The following OLAH variants were observed in gnomAD, a reference collection of about 807,000 sequenced individuals.
The protein encoded by OLAH is S-acyl fatty acid synthase thioesterase, medium chain.
OLAH carries 33 observed loss-of-function variants against 27.8 expected under a neutral mutation model. That is an observed-to-expected ratio of 1.19 (90% confidence interval 0.90 to 1.59). OLAH has a LOEUF of 1.59. OLAH is among the 40% of genes most tolerant of loss of function. OLAH has a pLI of 0.00. For synonymous variants in OLAH, 120 were observed against 102.9 expected (o/e 1.17, Z -1.01); for missense variants, 359 against 310.8 (o/e 1.16, Z -1.17).
At chr10:15,056,537 G>A (rs1844248972) in intron 3 of OLAH, among the ~76,000 whole-genome samples, 1 of 152,096 alleles carries the variant, frequency 6.6e-6, no homozygotes, top group South Asian at 2.1e-4. Flanking sequence ...AGTAAGATTA[G>A]ACATTTTTTT....
At chr10:15,041,155 G>A (rs905319755), upstream of OLAH, among the ~76,000 whole-genome samples, 5 of 152,226 alleles carry the variant, frequency 3.3e-5, no homozygotes, top group Non-Finnish European at 7.3e-5. Context: ...GCAAAGAGAA[G>A]TACCCGAAGC....
At chr10:15,070,293 C>T (rs571172872) in intron 6 of OLAH, among the ~76,000 whole-genome samples, 1 of 152,044 alleles carries the variant, frequency 6.6e-6, no homozygotes, top group Non-Finnish European at 1.5e-5. Context: ...CCCTCCGATC[C>T]GTTATCCACA....
chr10:15,057,535 G>A (rs1844271039), intron 3 of OLAH, among the ~76,000 whole-genome samples: 1 of 151,902 alleles, frequency 6.6e-6, no homozygotes, highest in African/African-American at 2.4e-5. Flanking sequence ...ACAGGCATGA[G>A]CCACTATGCC....
intron 1 of OLAH, among the ~76,000 whole-genome samples, chr10:15,035,368 A>G (rs1843826075): frequency 6.6e-6 from 1 of 152,158 alleles, no homozygotes; most frequent in South Asian, 2.1e-4. Context: ...CTGGTTCTGC[A>G]GTCTATACAG....
upstream of OLAH, chr10:15,043,829 G>A (rs1236568297): frequency 6.6e-6 from 1 of 152,010 alleles, no homozygotes; most frequent in Non-Finnish European, 1.5e-5. Flanking sequence ...TGTCTCCTCT[G>A]GGCCACAGCC....
chr10:15,035,523 AGGACC>A (rs1295837203), intron 1 of OLAH, among the ~76,000 whole-genome samples: 4 of 152,096 alleles, frequency 2.6e-5, no homozygotes, highest in Non-Finnish European at 5.9e-5. Context: ...TAGCTTTCGA[AGGACC>A]GGATCTCATG....
intron 1 of OLAH, among the ~76,000 whole-genome samples, chr10:15,034,549 G>A (rs1393256867): frequency 6.6e-6 from 1 of 152,208 alleles, no homozygotes; most frequent in Non-Finnish European, 1.5e-5. Context: ...GGGATCTGAG[G>A]CCTTCACAGC....
In OLAH at chr10:15,064,513, T is replaced by C. The variant is rs745730051; in HGVS notation, c.402+11T>C. On this transcript the variant is annotated intron_variant, in intron 5 of 7. Transcript: ENST00000378228. Reference sequence around the variant, plus strand: ...GCAACTCCTGTACATGTAAGTAATTTAGCTTTTTCCTAGGAAGGGCAGTGG... The same window carrying C: ...GCAACTCCTGTACATGTAAGTAATTCAGCTTTTTCCTAGGAAGGGCAGTGG... 1.4e-5 allele frequency: 22 copies of C among 1,522,758 alleles called. No homozygotes were observed. The highest frequency in any genetic ancestry group is 1.7e-5 in the Non-Finnish European group (19 of 1,124,798). 94.3% of individuals were successfully genotyped at this position (1,522,758 alleles called of 1,614,324 possible). A position where few individuals can be genotyped will look rare whatever the true frequency, so the allele number is the denominator to read the frequency against.
upstream of OLAH, among the ~76,000 whole-genome samples, chr10:15,039,673 G>GTCC (rs1843892351): frequency 6.6e-6 from 1 of 152,120 alleles, no homozygotes; most frequent in African/African-American, 2.4e-5. Context: ...GTAAGCATAC[G>GTCC]GACAGCTGCT....
At chr10:15,062,890 G>A (rs1270941152) in intron 4 of OLAH, among the ~76,000 whole-genome samples, 2 of 151,676 alleles carry the variant, frequency 1.3e-5, no homozygotes, top group African/African-American at 4.8e-5. Flanking sequence ...AGGCACACAC[G>A]ACCATACCTG....
chr10:15,059,622 A>G (rs1844323269), intron 3 of OLAH, among the ~76,000 whole-genome samples: 2 of 152,154 alleles, frequency 1.3e-5, no homozygotes, highest in Admixed American at 6.5e-5. Flanking sequence ...CCTGGCCAAC[A>G]TGGTGAAACC....
chr10:15,064,693 T>A (rs1267472383), intron 5 of OLAH, among the ~76,000 whole-genome samples, 191 bp downstream of exon 5: 1 of 152,258 alleles, frequency 6.6e-6, no homozygotes, highest in Non-Finnish European at 1.5e-5. Flanking sequence ...AGTCTCATTC[T>A]GCTGCCCAGG....
Position 15,061,844 on chromosome 10 carries a change from T to G in OLAH, c.284T>G (p.Phe95Cys), listed in dbSNP as rs767675489. 3.1e-6 allele frequency: 5 copies of G among 1,613,098 alleles called. No individual in the cohort carries two copies. The highest frequency in any genetic ancestry group is 4.2e-6 in the Non-Finnish European group (5 of 1,179,674). Residue 95 changes from phenylalanine to cysteine, a missense_variant, in exon 4 of 8, where the codon TTT becomes TGT. Coordinates refer to ENST00000378228, the MANE Select transcript of OLAH (RefSeq NM_001039702.3). ...CAGCCAGTCATCCAGGATAAACCATTTGCATTTTTTGGCCACAGGTATTTG... is the reference window on the plus strand; with the variant it reads ...CAGCCAGTCATCCAGGATAAACCATGTGCATTTTTTGGCCACAGGTATTTG... Reference protein sequence around the residue: ...ALQPVIQDKPFAFFGHSMGSY... With the variant: ...ALQPVIQDKPCAFFGHSMGSY...
chr10:15,064,277 TCA>T, intron 4 of OLAH, 124 bp from the exon 5 acceptor site: 1 of 626,616 alleles, frequency 1.6e-6, no homozygotes, highest in Non-Finnish European at 2.8e-6. Flanking sequence ...CTTAATCAAC[TCA>T]CACTTTCCTT....
At chr10:15,052,277 T>C (rs566747367) in intron 3 of OLAH, among the ~76,000 whole-genome samples, 12 of 152,104 alleles carry the variant, frequency 7.9e-5, no homozygotes, top group Non-Finnish European at 1.6e-4. Flanking sequence ...AGTGAGACTC[T>C]GCCTAAAAAA....
chr10:15,035,072 T>C (rs1843821813), intron 1 of OLAH, among the ~76,000 whole-genome samples: 1 of 152,118 alleles, frequency 6.6e-6, no homozygotes, highest in Non-Finnish European at 1.5e-5. Context: ...AGTGCTGGGA[T>C]TACAGGCGCT....
intron 6 of OLAH, 91 bp from the exon 7 acceptor site, chr10:15,071,704 C>T (rs569568339): frequency 6.9e-6 from 10 of 1,457,852 alleles, no homozygotes; most frequent in Non-Finnish European, 7.5e-6. Flanking sequence ...AAGAAGTGAA[C>T]CCACCCCAAG....
chr10:15,058,939 T>TCTCGTTCCCTTCCCTCC (rs764065794), intron 3 of OLAH, among the ~76,000 whole-genome samples: 1 of 67,916 alleles, frequency 1.5e-5, no homozygotes, highest in Non-Finnish European at 3.2e-5. Context: ...TCCTTCCCTC[T>TCTCGTTCCCTTCCCTCC]CTCCTTCCCT....
chr10:15,047,995 C>T (rs1246368763), intron 2 of OLAH, among the ~76,000 whole-genome samples: 1 of 152,128 alleles, frequency 6.6e-6, no homozygotes, highest in Non-Finnish European at 1.5e-5. Context: ...AGGGGTATAA[C>T]AGATTGCATC....
Sources: gnomAD v4.1 joint callset for allele counts (sites outside exome capture counted in the v4.1 genomes callset) on GRCh38, gnomAD v4.1.1 for gene constraint, MANE v1.5 for transcripts, NCBI Gene and HGNC (gene_info 2026-07-23, HGNC 2026-07-21) for gene names.